The following ZNF138 variants were observed in gnomAD, a reference collection of about 807,000 sequenced individuals.
The protein encoded by ZNF138 is zinc finger protein 138 (clone pHZ-32).
Under a neutral mutation model 33.0 loss-of-function variants are expected in ZNF138, and 33 were observed. The ratio of observed to expected loss-of-function variants is 1.00; its 90% confidence interval spans 0.76 to 1.34. The LOEUF is 1.34. Among genes scored for constraint, ZNF138 ranks in the 40% most tolerant of loss-of-function variants. The pLI, the probability that ZNF138 is intolerant of heterozygous loss-of-function variation, is 0.00. For missense variants in ZNF138, 360 were observed against 370.8 expected (o/e 0.97, Z 0.24); for synonymous variants, 139 against 120.4 (o/e 1.15, Z -1.01).
At chr7:64,797,512 G>A (rs1413098449) in intron 1 of ZNF138, among the ~76,000 whole-genome samples, 1 of 152,088 alleles carries the variant, frequency 6.6e-6, no homozygotes, top group Non-Finnish European at 1.5e-5. Context: ...AGCCTACAAA[G>A]GGAAGGGAGG....
intron 3 of ZNF138, among the ~76,000 whole-genome samples, chr7:64,825,306 G>A (rs1789497009): frequency 6.6e-6 from 1 of 150,658 alleles, no homozygotes; most frequent in Non-Finnish European, 1.5e-5. Flanking sequence ...CCAAGTAGCT[G>A]GGACTACAGG....
chr7:64,803,500 G>A (rs1787329736), intron 1 of ZNF138, among the ~76,000 whole-genome samples: 1 of 152,184 alleles, frequency 6.6e-6, no homozygotes, highest in African/African-American at 2.4e-5. Context: ...GAGGTTCAGT[G>A]TATGAACTGA....
intron 1 of ZNF138, among the ~76,000 whole-genome samples, chr7:64,801,864 A>G (rs1449798386): frequency 6.6e-6 from 1 of 152,218 alleles, no homozygotes; most frequent in African/African-American, 2.4e-5. Flanking sequence ...CCCAAAACTC[A>G]TTAAGCCAAA....
intron 1 of ZNF138, among the ~76,000 whole-genome samples, chr7:64,797,780 T>C (rs1275949341): frequency 6.6e-6 from 1 of 152,156 alleles, no homozygotes; most frequent in Non-Finnish European, 1.5e-5. Context: ...TTTAAAAAAT[T>C]CTAAAATACT....
chr7:64,856,250 A>G, the ZNF138 span, among the ~76,000 whole-genome samples: 1 of 5,802 alleles, frequency 1.7e-4, no homozygotes, highest in African/African-American at 1.8e-4. Flanking sequence ...GCCCCGTCTG[A>G]GAAGTGAGGA....
intron 3 of ZNF138, chr7:64,831,177 T>C: frequency 6.9e-7 from 1 of 1,457,510 alleles, no homozygotes; most frequent in Non-Finnish European, 9.2e-7. Flanking sequence ...AAGAGCTGTG[T>C]TGGGTAAATG....
At chr7:64,837,798 C>A (rs1386350704), downstream of ZNF138, among the ~76,000 whole-genome samples, 1 of 152,146 alleles carries the variant, frequency 6.6e-6, no homozygotes. Flanking sequence ...GAAGCTACTA[C>A]CTCTGCTGTT....
intron 3 of ZNF138, among the ~76,000 whole-genome samples, chr7:64,828,267 C>T (rs1463239605): frequency 6.6e-6 from 1 of 151,844 alleles, no homozygotes; most frequent in Non-Finnish European, 1.5e-5. Flanking sequence ...TCAGTTTAGT[C>T]ATCTTAATGT....
At chr7:64,823,630 C>T (rs1385888252) in intron 3 of ZNF138, among the ~76,000 whole-genome samples, 1 of 152,182 alleles carries the variant, frequency 6.6e-6, no homozygotes, top group Non-Finnish European at 1.5e-5. Context: ...CCACTGCACC[C>T]AGCTGGTATT....
chr7:64,860,160 A>G, the ZNF138 span, among the ~76,000 whole-genome samples: 2 of 152,208 alleles, frequency 1.3e-5, no homozygotes, highest in African/African-American at 4.8e-5. Flanking sequence ...ATACAATTAT[A>G]ACATCCTAAG....
At chr7:64,836,927 A>T (rs928079843), downstream of ZNF138, 3 of 152,152 alleles carry the variant, frequency 2.0e-5, no homozygotes, top group South Asian at 2.1e-4. Context: ...AGTGAGAGGG[A>T]GTCTGAGAGG....
intron 1 of ZNF138, among the ~76,000 whole-genome samples, chr7:64,808,232 C>T (rs1787768832): frequency 6.6e-6 from 1 of 152,178 alleles, no homozygotes; most frequent in African/African-American, 2.4e-5. Context: ...TTCCTCCCCT[C>T]ATACAAGAGA....
the ZNF138 span, chr7:64,853,018 C>T: frequency 6.7e-7 from 1 of 1,494,580 alleles, no homozygotes; most frequent in Non-Finnish European, 9.3e-7. Flanking sequence ...CTGTGACCCC[C>T]ATTGCGTAGA....
the ZNF138 span, among the ~76,000 whole-genome samples, chr7:64,839,753 GGA>G: frequency 6.6e-6 from 1 of 152,154 alleles, no homozygotes; most frequent in East Asian, 1.9e-4. Flanking sequence ...GACCAGGAGG[GGA>G]GTCTTCCCGA....
chr7:64,810,808 T>C (rs1207191395), intron 1 of ZNF138, among the ~76,000 whole-genome samples: 1 of 152,152 alleles, frequency 6.6e-6, no homozygotes, highest in Non-Finnish European at 1.5e-5. Context: ...ACAGAACTGA[T>C]TAGAAGAGAT....
chr7:64,851,423 C>T, the ZNF138 span, among the ~76,000 whole-genome samples: 10 of 152,020 alleles, frequency 6.6e-5, no homozygotes, highest in African/African-American at 2.4e-4. Context: ...TCACAAAAAG[C>T]GTGCACAAAA....
At chr7:64,849,169 T>C in the ZNF138 span, among the ~76,000 whole-genome samples, 1 of 152,228 alleles carries the variant, frequency 6.6e-6, no homozygotes, top group African/African-American at 2.4e-5. Context: ...CTTCTCATTT[T>C]CCTATCAATG....
chr7:64,798,672 A>G (rs1390490393), intron 1 of ZNF138, among the ~76,000 whole-genome samples: 1 of 151,688 alleles, frequency 6.6e-6, no homozygotes, highest in Non-Finnish European at 1.5e-5. Flanking sequence ...CCAGCTACTC[A>G]GGAGGCTGAG....
chr7:64,842,000 A>T, the ZNF138 span, among the ~76,000 whole-genome samples: 1 of 152,224 alleles, frequency 6.6e-6, no homozygotes, highest in Non-Finnish European at 1.5e-5. Context: ...CTTAGAAATT[A>T]AATTATTAAG....
Sources: gnomAD v4.1 joint callset for allele counts (sites outside exome capture counted in the v4.1 genomes callset) on GRCh38, gnomAD v4.1.1 for gene constraint, MANE v1.5 for transcripts, NCBI Gene and HGNC (gene_info 2026-07-23, HGNC 2026-07-21) for gene names.